Variants in KCTD6 observed in about 807,000 individuals in gnomAD.
KCTD6 encodes the protein BTB/POZ domain-containing protein KCTD6.
A neutral mutation model predicts 18.7 loss-of-function variants in KCTD6; 6 were observed. The ratio of observed to expected loss-of-function variants is 0.32; its 90% CI spans 0.18 to 0.63. The LOEUF is 0.63. Ranked by LOEUF, KCTD6 falls within the 30% of genes least tolerant of loss-of-function variation. The pLI, the probability that KCTD6 is intolerant of heterozygous loss-of-function variation, is 0.79. For synonymous variants in KCTD6, 86 were observed against 108.5 expected, an observed-to-expected ratio of 0.79 and a Z score of 1.29; for missense variants, 165 against 300.2, an observed-to-expected ratio of 0.55 and a Z score of 3.33.
chr3:58,494,606 A>T (rs1248670594), intron 1 of KCTD6, among the ~76,000 whole-genome samples: 6 of 152,186 alleles, frequency 3.9e-5, no homozygotes, highest in African/African-American at 9.7e-5. Context: ...GAGAATTCTT[A>T]ATCTATAGCA....
In KCTD6 at chr3:58,501,334, T is replaced by A. The variant is rs1248400702; in HGVS notation, c.416T>A (p.Ile139Asn). ...LSKYSNPVAV[I>N]ITQLTITTKV... ...AAGTACTCCAACCCAGTGGCTGTCA[T>A]CATAACGCAACTAACCATCACCACT... The change falls in exon 3 of 3, where the codon ATC becomes AAC. Residue 139 changes from isoleucine (I) to asparagine (N), a missense_variant. Coordinates refer to ENST00000404589, the MANE Select transcript of KCTD6 (RefSeq NM_001128214.2). This position sits in a 1 kb window ranked among gnomAD's most constrained non-coding sequence, Gnocchi z 9.7. 2 of 1,608,604 alleles carry A rather than the reference T, an allele frequency of 1.2e-6. No individual in the cohort carries two copies. Among genetic ancestry groups the A allele is most frequent in the Admixed American group, 1.7e-5 (1 of 58,702 alleles).
At chr3:58,499,332 T>A (rs917011035) in intron 2 of KCTD6, among the ~76,000 whole-genome samples, 1 of 152,200 alleles carries the variant, frequency 6.6e-6, no homozygotes, top group African/African-American at 2.4e-5. Flanking sequence ...CTCTGAAGAC[T>A]CTTTCTTCAT....
Position 58,496,404 on chromosome 3 carries a change from C to G in KCTD6, c.-43-2309C>G, listed in dbSNP as rs969994369. ...CCCAGCTGTGGCGCCCTCAGCTAGT[C>G]ACTTAATCTGCCTTGTTTCTCTGTT... On this transcript the variant is annotated intron_variant, in intron 1 of 2. Coordinates refer to ENST00000404589, the MANE Select transcript of KCTD6 (RefSeq NM_001128214.2). The surrounding 1 kb of genome is among the most constrained non-coding windows in gnomAD (Gnocchi z 5.1). 2.0e-5 allele frequency among the ~76,000 whole-genome samples: 3 copies of G among 152,190 alleles called. No homozygotes were observed. Among genetic ancestry groups the G allele is most frequent in the Non-Finnish European group, 4.4e-5 (3 of 68,036 alleles).
rs2107975909 is a variant in KCTD6 at position 58,498,741 on chromosome 3, G to GC, written c.-14dup. 6.2e-7 allele frequency: 1 copy of GC among 1,609,348 alleles called. No individual in the cohort carries two copies. The highest frequency in any genetic ancestry group is 2.2e-5 in the East Asian group (1 of 44,782). ...CCCTGAAACCTGGGCTCTTGAAGAC[G>GC]CATCACTGGAGCAGATGGATAATGG... On this transcript the variant is annotated 5_prime_UTR_variant, in exon 2 of 3. Transcript: ENST00000404589. This position sits in a 1 kb window ranked among gnomAD's most constrained non-coding sequence, Gnocchi z 4.6.
chr3:58,495,022 T>C (rs2063169706), intron 1 of KCTD6, among the ~76,000 whole-genome samples: 1 of 152,218 alleles, frequency 6.6e-6, no homozygotes, highest in Non-Finnish European at 1.5e-5. Flanking sequence ...AACTGATTTT[T>C]CAGGGTCAGA....
At chr3:58,499,312 A>G (rs1287889391) in intron 2 of KCTD6, among the ~76,000 whole-genome samples, 2 of 151,982 alleles carry the variant, frequency 1.3e-5, no homozygotes, top group African/African-American at 4.8e-5. Context: ...TTATTTTTTC[A>G]AGTGTGTTGC....
rs1343398482 is a variant in KCTD6, at chr3:58,501,308, T to C, written c.390T>C (p.Ser130=). The change falls in exon 3 of 3, where the codon TCT becomes TCC. Residue 130 remains serine (S), a synonymous_variant. Coordinates refer to ENST00000404589, the MANE Select transcript of KCTD6 (RefSeq NM_001128214.2). The surrounding 1 kb of genome is among the most constrained non-coding windows in gnomAD (Gnocchi z 9.7). ...VVELSSTRKL[S]KYSNPVAVII... is the part of the protein sequence containing the mutation. ...AGCTGTCTAGTACTCGGAAGCTTTC[T>C]AAGTACTCCAACCCAGTGGCTGTCA... is the stretch of plus-strand genomic sequence containing the variant. 6.2e-7 allele frequency: 1 copy of C among 1,613,388 alleles called. No homozygotes were observed. Among genetic ancestry groups the C allele is most frequent in the South Asian group, 1.1e-5 (1 of 90,912 alleles).
chr3:58,498,743 A>G lies in KCTD6; in HGVS notation c.-13A>G. 1.2e-6 allele frequency: 2 copies of G among 1,611,404 alleles called. No homozygotes were observed. The stretch of plus-strand genomic sequence containing the variant: ...CTGAAACCTGGGCTCTTGAAGACGC[A>G]TCACTGGAGCAGATGGATAATGGAG... On this transcript the variant is annotated 5_prime_UTR_variant, in exon 2 of 3. Transcript: ENST00000404589. This position sits in a 1 kb window ranked among gnomAD's most constrained non-coding sequence, Gnocchi z 4.6.
At chr3:58,500,386 A>G (rs1576980304) in intron 2 of KCTD6, 1 of 150,826 alleles carries the variant, frequency 6.6e-6, no homozygotes, top group Non-Finnish European at 1.5e-5. Flanking sequence ...CCGGCCTCCC[A>G]AAGTGCTAGG....
intron 1 of KCTD6, among the ~76,000 whole-genome samples, chr3:58,495,872 A>AT (rs78140499): frequency 0.055 from 7,443 of 136,302 alleles, 263 homozygotes; most frequent in Non-Finnish European, 0.072. Context: ...ACATCGTCTA[A>AT]TTTTTTTTTT....
chr3:58,498,463 T>A lies in KCTD6; in HGVS notation c.-43-250T>A. On this transcript the variant is annotated intron_variant, in intron 1 of 2. Coordinates refer to ENST00000404589, the MANE Select transcript of KCTD6 (RefSeq NM_001128214.2). The surrounding 1 kb of genome is among the most constrained non-coding windows in gnomAD (Gnocchi z 4.6). ...CTCTTCCTCCTTCTCTTAAGTACAG[T>A]ATAGTTCTTTCTCTGAAAATCTTCA... 2.4e-6 allele frequency: 1 copy of A among 414,098 alleles called. No individual in the cohort carries two copies. The highest frequency in any genetic ancestry group is 4.2e-6 in the Non-Finnish European group (1 of 235,866). The allele number at this position is 414,098 out of a possible 1,614,324, so 25.7% of individuals were successfully genotyped here. A position where few individuals can be genotyped will look rare whatever the true frequency, so the allele number is the denominator to read the frequency against.
In KCTD6 at chr3:58,498,893, G is replaced by A; in HGVS notation, c.27+111G>A. 1 of 853,528 alleles carries A rather than the reference G, an allele frequency of 1.2e-6. No homozygotes were observed. The highest frequency in any genetic ancestry group is 1.7e-5 in the South Asian group (1 of 58,612). The allele number at this position is 853,528 out of a possible 1,614,324, so 52.9% of individuals were successfully genotyped here. A position where few individuals can be genotyped will look rare whatever the true frequency, so the allele number is the denominator to read the frequency against. On this transcript the variant is annotated intron_variant, in intron 2 of 2. Coordinates refer to ENST00000404589, the MANE Select transcript of KCTD6 (RefSeq NM_001128214.2). The surrounding 1 kb of genome is among the most constrained non-coding windows in gnomAD (Gnocchi z 4.6). ...TATAAGAAAAGAAAATTGTGAATTT[G>A]TGTAACCTCTCTTCCCCCTTTTACT...
rs1319455427 is a variant in KCTD6 at position 58,498,400 on chromosome 3, A to T, written c.-43-313A>T. 1 of 221,148 alleles carries T rather than the reference A, an allele frequency of 4.5e-6. No homozygotes were observed. Among genetic ancestry groups the T allele is most frequent in the East Asian group, 1.1e-4 (1 of 9,224 alleles). The allele number at this position is 221,148 out of a possible 1,614,324, so 13.7% of individuals were successfully genotyped here. A position where few individuals can be genotyped will look rare whatever the true frequency, so the allele number is the denominator to read the frequency against. On this transcript the variant is annotated intron_variant, in intron 1 of 2. Coordinates refer to ENST00000404589, the MANE Select transcript of KCTD6 (RefSeq NM_001128214.2). The surrounding 1 kb of genome is among the most constrained non-coding windows in gnomAD (Gnocchi z 4.6). The stretch of plus-strand genomic sequence containing the variant: ...AATTCTAAAAATTGATGTTCTAAGA[A>T]GAGAGGTAGAATTTGAATGACTGGG...
Position 58,493,073 on chromosome 3 carries a change from C to G in KCTD6, c.-44+904C>G, listed in dbSNP as rs926132810. ...TTCTTTTTTTCGCTGTCACAAATGC[C>G]CTATTACTTGAATCATCCTGGGATA... On this transcript the variant is annotated intron_variant, in intron 1 of 2. Coordinates refer to ENST00000404589, the MANE Select transcript of KCTD6 (RefSeq NM_001128214.2). The surrounding 1 kb of genome is among the most constrained non-coding windows in gnomAD (Gnocchi z 4.5). 2.0e-5 allele frequency among the ~76,000 whole-genome samples: 3 copies of G among 152,068 alleles called. No individual in the cohort carries two copies. Among genetic ancestry groups the G allele is most frequent in the Non-Finnish European group, 4.4e-5 (3 of 68,002 alleles).
In KCTD6 at chr3:58,493,601, C is replaced by A. The variant is rs2063164032; in HGVS notation, c.-44+1432C>A. ...CACTCCCCTTTACCTGTATATAGTT[C>A]TCCCTTCTGGAGCTCTGGGAAAAGG... On this transcript the variant is annotated intron_variant, in intron 1 of 2. Coordinates refer to ENST00000404589, the MANE Select transcript of KCTD6 (RefSeq NM_001128214.2). This position sits in a 1 kb window ranked among gnomAD's most constrained non-coding sequence, Gnocchi z 4.5. 6.6e-6 allele frequency among the ~76,000 whole-genome samples: 1 copy of A among 152,190 alleles called. No homozygotes were observed. The highest frequency in any genetic ancestry group is 1.5e-5 in the Non-Finnish European group (1 of 68,040).
At position 58,498,004 on chromosome 3, in the gene KCTD6, T is replaced by G. The variant is rs2063187206; in HGVS notation, c.-43-709T>G. The G allele has an allele frequency of 6.8e-6, 1 of 147,766 alleles. No individual in the cohort carries two copies. Among genetic ancestry groups the G allele is most frequent in the Non-Finnish European group, 1.5e-5 (1 of 66,914 alleles). The allele number at this position is 147,766 out of a possible 1,614,324, so 9.2% of individuals were successfully genotyped here. A position where few individuals can be genotyped will look rare whatever the true frequency, so the allele number is the denominator to read the frequency against. The stretch of plus-strand genomic sequence containing the variant: ...TTTCTTTTTTTTTTTTTTTTTGAGA[T>G]GGAGTCTCGCACTGTTGCAGGGGCT... On this transcript the variant is annotated intron_variant, in intron 1 of 2. Transcript: ENST00000404589. The surrounding 1 kb of genome is among the most constrained non-coding windows in gnomAD (Gnocchi z 4.6).
At position 58,501,450 on chromosome 3, in the gene KCTD6, A is replaced by G; in HGVS notation, c.532A>G (p.Thr178Ala). ...CACCAGAGACTGCCAGGTTTCCTTT[A>G]CTTTTGGACCCTGTGATTATCACCA... ...MDTRDCQVSFTFGPCDYHQEV... is the reference protein window; with the variant it reads ...MDTRDCQVSFAFGPCDYHQEV... Residue 178 changes from threonine (T) to alanine (A), a missense_variant, in exon 3 of 3, where the codon ACT (threonine) becomes GCT (alanine). Transcript: ENST00000404589. The surrounding 1 kb of genome is among the most constrained non-coding windows in gnomAD (Gnocchi z 9.7). 1 of 1,531,132 alleles carries G rather than the reference A, an allele frequency of 6.5e-7. No individual in the cohort carries two copies. Among genetic ancestry groups the G allele is most frequent in the Non-Finnish European group, 8.7e-7 (1 of 1,143,962 alleles). The allele number at this position is 1,531,132 out of a possible 1,614,324, so 94.8% of individuals were successfully genotyped here. A position where few individuals can be genotyped will look rare whatever the true frequency, so the allele number is the denominator to read the frequency against.
rs1388677054 is a variant in KCTD6, at chr3:58,493,292, C to T, written c.-44+1123C>T. On this transcript the variant is annotated intron_variant, in intron 1 of 2. Coordinates refer to ENST00000404589, the MANE Select transcript of KCTD6 (RefSeq NM_001128214.2). The surrounding 1 kb of genome is among the most constrained non-coding windows in gnomAD (Gnocchi z 4.5). ...TTTTGTGCTATGCCTTAGATATGAA[C>T]GATGGAGTGGTCAGGATAGCCATGG... is the stretch of plus-strand genomic sequence containing the variant. Among the ~76,000 whole-genome samples, 6 of 152,196 alleles carry T rather than the reference C, an allele frequency of 3.9e-5. No homozygotes were observed. The highest frequency in any genetic ancestry group is 4.8e-5 in the African/African-American group (2 of 41,436).
chr3:58,492,959 G>A lies in KCTD6; in HGVS notation c.-44+790G>A, dbSNP rs993110543. ...ATTTTAGGACTTTGTGATAGAAGAG[G>A]TTTGGGTGGCAAAGTGACCTGGGAT... On this transcript the variant is annotated intron_variant, in intron 1 of 2. Coordinates refer to ENST00000404589, the MANE Select transcript of KCTD6 (RefSeq NM_001128214.2). This position sits in a 1 kb window ranked among gnomAD's most constrained non-coding sequence, Gnocchi z 6.1. 3.9e-5 allele frequency among the ~76,000 whole-genome samples: 6 copies of A among 152,212 alleles called. No individual in the cohort carries two copies. Among genetic ancestry groups the A allele is most frequent in the African/African-American group, 1.4e-4 (6 of 41,452 alleles).
Sources: gnomAD v4.1 joint callset for allele counts (sites outside exome capture counted in the v4.1 genomes callset) on GRCh38, gnomAD v4.1.1 for gene constraint, Gnocchi (gnomAD v3.1) non-coding constraint, MANE v1.5 for transcripts, NCBI Gene and HGNC (gene_info 2026-07-23, HGNC 2026-07-21) for gene names.